ERBB4: variants seen among roughly 807,000 people sequenced by gnomAD.
ERBB4 encodes the protein receptor tyrosine-protein kinase erbB-4.
Under a neutral mutation model 158.0 loss-of-function variants are expected in ERBB4, and 42 were observed. The ratio of observed to expected loss-of-function variants is 0.27; its 90% CI spans 0.21 to 0.34. The LOEUF (loss-of-function observed/expected upper bound fraction) is 0.34. Among genes scored for constraint, ERBB4 ranks in the 10% least tolerant of loss-of-function variants. The pLI is 1.00. For missense variants in ERBB4, 1,333 were observed against 1,624.1 expected (o/e 0.82, Z 3.08); for synonymous variants, 583 against 558.7 (o/e 1.04, Z -0.61).
chr2:211,944,674 AT>A (rs2080627780), intron 3 of ERBB4, among the ~76,000 whole-genome samples: 2 of 152,240 alleles, frequency 1.3e-5, no homozygotes, highest in African/African-American at 4.8e-5. Flanking sequence ...TTGTGCTACC[AT>A]TTCTTGGTAA....
At chr2:211,869,599 A>G (rs1381359523) in intron 3 of ERBB4, among the ~76,000 whole-genome samples, 1 of 152,174 alleles carries the variant, frequency 6.6e-6, no homozygotes, top group Non-Finnish European at 1.5e-5. Flanking sequence ...ATTTCCTGGC[A>G]TATAAGAAAG....
chr2:211,439,646 T>C (rs1311332701), intron 20 of ERBB4, among the ~76,000 whole-genome samples: 1 of 152,202 alleles, frequency 6.6e-6, no homozygotes, highest in Non-Finnish European at 1.5e-5. Flanking sequence ...GGACAAGTTA[T>C]TTTACCTCTC....
intron 14 of ERBB4, among the ~76,000 whole-genome samples, chr2:211,671,563 A>T (rs1236373465): frequency 6.6e-6 from 1 of 152,136 alleles, no homozygotes; most frequent in Non-Finnish European, 1.5e-5. Context: ...TAATTTTTTG[A>T]AAAGTGTTTC....
At chr2:212,315,935 C>A (rs1327326790) in intron 1 of ERBB4, among the ~76,000 whole-genome samples, 3 of 151,368 alleles carry the variant, frequency 2.0e-5, no homozygotes, top group African/African-American at 7.3e-5. Flanking sequence ...CAGTCAGCTG[C>A]ATTATTAAAT....
At chr2:211,772,956 T>TATATATATATATA (rs1491260097) in intron 4 of ERBB4, among the ~76,000 whole-genome samples, 1 of 76,312 alleles carries the variant, frequency 1.3e-5, no homozygotes, top group African/African-American at 9.4e-5. Context: ...TATATATATA[T>TATATATATATATA]TTTTTTTTTT....
intron 1 of ERBB4, among the ~76,000 whole-genome samples, chr2:212,526,192 C>T (rs938582334): frequency 6.6e-6 from 1 of 151,912 alleles, no homozygotes; most frequent in South Asian, 2.1e-4. Flanking sequence ...GTGACTGAGT[C>T]AGTTTGTAGG....
chr2:211,643,083 A>C (rs551776274), intron 16 of ERBB4, among the ~76,000 whole-genome samples: 11 of 152,090 alleles, frequency 7.2e-5, no homozygotes, highest in Non-Finnish European at 1.5e-4. Flanking sequence ...TCCCAGGCTG[A>C]CTGAAGCAAC....
intron 1 of ERBB4, among the ~76,000 whole-genome samples, chr2:212,495,812 A>T (rs1253610586): frequency 6.6e-6 from 1 of 152,204 alleles, no homozygotes; most frequent in Non-Finnish European, 1.5e-5. Context: ...TTTACCTATT[A>T]AGCGTATAGA....
rs530627802 is a variant in ERBB4 at position 211,518,536 on chromosome 2, C to A, written c.2487+43367G>T. 1.4e-3 allele frequency among the ~76,000 whole-genome samples: 209 copies of A among 152,084 alleles called. 2 individuals are homozygous for A. The Middle Eastern group carries it at 0.02, about 15-fold the overall frequency. On this transcript the variant is annotated intron_variant, in intron 20 of 27. Coordinates refer to ENST00000342788, the MANE Select transcript of ERBB4 (RefSeq NM_005235.3). ...AGGGGTGGTGGTGCACACCTGTAATCCTGGCTACTCAGGAGGCTGAGGCAG... is the reference window on the plus strand; with the variant it reads ...AGGGGTGGTGGTGCACACCTGTAATACTGGCTACTCAGGAGGCTGAGGCAG...
At chr2:212,235,950 C>A (rs902148350) in intron 1 of ERBB4, among the ~76,000 whole-genome samples, 1 of 152,176 alleles carries the variant, frequency 6.6e-6, no homozygotes, top group Admixed American at 6.5e-5. Context: ...TATTTGAATA[C>A]CCTTTACTTC....
At chr2:212,268,940 G>A (rs1221192813) in intron 1 of ERBB4, among the ~76,000 whole-genome samples, 1 of 151,576 alleles carries the variant, frequency 6.6e-6, no homozygotes, top group Non-Finnish European at 1.5e-5. Flanking sequence ...ATAATTCCAG[G>A]GAGTTTAACT....
At chr2:212,453,113 T>C (rs1688090283) in intron 1 of ERBB4, among the ~76,000 whole-genome samples, 1 of 152,196 alleles carries the variant, frequency 6.6e-6, no homozygotes, top group Non-Finnish European at 1.5e-5. Context: ...AGGGATTATA[T>C]CTACATACCC....
chr2:212,253,772 G>A (rs2084626322), intron 1 of ERBB4, among the ~76,000 whole-genome samples: 1 of 152,188 alleles, frequency 6.6e-6, no homozygotes, highest in Non-Finnish European at 1.5e-5. Flanking sequence ...AGTTAATGAA[G>A]GGGATATGTT....
rs369731810 is a variant in ERBB4 at position 211,539,992 on chromosome 2, C to T, written c.2487+21911G>A. 1.3e-4 allele frequency among the ~76,000 whole-genome samples: 19 copies of T among 151,862 alleles called. No individual in the cohort carries two copies. The East Asian group carries it at 3.3e-3, about 26-fold the overall frequency. Reference sequence around the variant, plus strand: ...CATTTGTCCTTCATTTTATATGATGCTTTCTTGTGAACATCCTGGATATAT... The same window carrying T: ...CATTTGTCCTTCATTTTATATGATGTTTTCTTGTGAACATCCTGGATATAT... On this transcript the variant is annotated intron_variant, in intron 20 of 27. Coordinates refer to ENST00000342788, the MANE Select transcript of ERBB4 (RefSeq NM_005235.3).
At chr2:211,404,121 C>T (rs908926872) in intron 25 of ERBB4, among the ~76,000 whole-genome samples, 1 of 152,060 alleles carries the variant, frequency 6.6e-6, no homozygotes, top group African/African-American at 2.4e-5. Context: ...CATCACTGAT[C>T]CTCAATGTAA....
intron 7 of ERBB4, among the ~76,000 whole-genome samples, chr2:211,720,605 T>C (rs951913788): frequency 1.3e-5 from 2 of 152,238 alleles, no homozygotes; most frequent in African/African-American, 4.8e-5. Flanking sequence ...ATGATCAGCA[T>C]ACCATTATGT....
At chr2:211,733,060 G>C (rs956671882) in intron 5 of ERBB4, among the ~76,000 whole-genome samples, 1 of 152,164 alleles carries the variant, frequency 6.6e-6, no homozygotes, top group African/African-American at 2.4e-5. Context: ...AATCCCTGGT[G>C]ACCCACGGAC....
At chr2:211,986,993 ATGT>A (rs1384662382) in intron 2 of ERBB4, among the ~76,000 whole-genome samples, 1 of 152,186 alleles carries the variant, frequency 6.6e-6, no homozygotes, top group Non-Finnish European at 1.5e-5. Context: ...ATAAATATTA[ATGT>A]AAGATACTAG....
chr2:212,369,381 T>C (rs2090006790), intron 1 of ERBB4, among the ~76,000 whole-genome samples: 1 of 152,140 alleles, frequency 6.6e-6, no homozygotes, highest in Non-Finnish European at 1.5e-5. Context: ...CTTTCTAATC[T>C]CTGCTGTCAA....
Sources: allele counts gnomAD v4.1 joint callset (sites outside exome capture counted in the v4.1 genomes callset), GRCh38; gene constraint gnomAD v4.1.1; transcripts MANE v1.5; gene names NCBI Gene and HGNC (gene_info 2026-07-23, HGNC 2026-07-21).